TPRX1: variants seen among roughly 807,000 people sequenced by gnomAD.
TPRX1 encodes tetrapeptide repeat homeobox 1.
TPRX1 carries 2 observed loss-of-function variants against 8.1 expected under a neutral mutation model. The observed-to-expected ratio is 0.25, with a 90% CI of 0.10 to 0.78. TPRX1 has a LOEUF of 0.78. TPRX1 is among the 30% of genes least tolerant of loss of function. The pLI is 0.70. For missense variants in TPRX1, 517 were observed against 586.9 expected, an observed-to-expected ratio of 0.88 and a Z score of 1.23; for synonymous variants, 257 against 254.1, an observed-to-expected ratio of 1.01 and a Z score of -0.11.
chr19:47,803,167 G>C (rs962499193), intron 3 of TPRX1, among the ~76,000 whole-genome samples, 187 bp from the exon 3 acceptor site: 1 of 152,008 alleles, frequency 6.6e-6, no homozygotes, highest in African/African-American at 2.4e-5. Context: ...GAAAAGTAGG[G>C]GGAGGAGGGT....
intron 2 of TPRX1, among the ~76,000 whole-genome samples, chr19:47,812,392 T>A (rs1233832498): frequency 6.7e-6 from 1 of 148,404 alleles, no homozygotes; most frequent in African/African-American, 2.5e-5. Flanking sequence ...AGGCCAGGAG[T>A]TCGAGACCAG....
At chr19:47,809,797 T>C (rs1333257089) in intron 2 of TPRX1, among the ~76,000 whole-genome samples, 1 of 152,096 alleles carries the variant, frequency 6.6e-6, no homozygotes, top group African/African-American at 2.4e-5. Flanking sequence ...CGTCCTGATG[T>C]GTCTTCAGGG....
At chr19:47,816,828 A>T (rs568984597) in intron 2 of TPRX1, among the ~76,000 whole-genome samples, 1 of 152,136 alleles carries the variant, frequency 6.6e-6, no homozygotes, top group East Asian at 1.9e-4. Flanking sequence ...CACCACGCCC[A>T]GCCCACTGTG....
chr19:47,814,486 C>T (rs1283274491), intron 2 of TPRX1, among the ~76,000 whole-genome samples: 1 of 152,154 alleles, frequency 6.6e-6, no homozygotes, highest in Non-Finnish European at 1.5e-5. Flanking sequence ...TAGCGAGACC[C>T]TGTCTTAAAA....
intron 2 of TPRX1, among the ~76,000 whole-genome samples, chr19:47,815,115 T>TATATATATATATATATATATATGCAA (rs1555799978): frequency 7.3e-3 from 54 of 7,404 alleles, no homozygotes; most frequent in African/African-American, 0.029. Flanking sequence ...ATAGATAAAT[T>TATATATATATATATATATATATGCAA]ATATATATAT....
At chr19:47,806,929 T>C (rs2123714485) in intron 2 of TPRX1, among the ~76,000 whole-genome samples, 1 of 151,992 alleles carries the variant, frequency 6.6e-6, no homozygotes, top group South Asian at 2.1e-4. Flanking sequence ...TGAGATGGCG[T>C]CTTGCCCTGT....
At chr19:47,816,415 C>T (rs1967841100) in intron 2 of TPRX1, among the ~76,000 whole-genome samples, 1 of 150,246 alleles carries the variant, frequency 6.7e-6, no homozygotes, top group Non-Finnish European at 1.5e-5. Flanking sequence ...CCTTCCCCTC[C>T]TAATATATTT....
At chr19:47,806,128 G>A (rs1967733005) in intron 2 of TPRX1, among the ~76,000 whole-genome samples, 3 of 152,114 alleles carry the variant, frequency 2.0e-5, no homozygotes, top group Admixed American at 6.6e-5. Context: ...AGGCTGAGGC[G>A]GGGGAATTGG....
chr19:47,802,888 G>A, exon 4 of TPRX1: 1 of 1,580,098 alleles, frequency 6.3e-7, no homozygotes, highest in East Asian at 2.3e-5. Context: ...GCGCAGCGCG[G>A]GCTCCTCGGC....
chr19:47,815,447 C>CCAGCCCACTG (rs1568617524), intron 2 of TPRX1, among the ~76,000 whole-genome samples: 1 of 149,252 alleles, frequency 6.7e-6, no homozygotes, highest in African/African-American at 2.4e-5. Flanking sequence ...GCCACCGCAC[C>CCAGCCCACTG]TGGCTCAAAG....
rs750965545 is a variant in TPRX1 at position 47,801,867 on chromosome 19, TAG to T, written c.1433_1434del (p.Ser478TyrfsTer19). The T allele has an allele frequency of 1.9e-6, 3 of 1,614,118 alleles. No homozygotes were observed. The Admixed American group carries it at 5.0e-5, about 27-fold the overall frequency. ...TGAGACCCTGAGTGTTTTTTGCCCA[TAG>T]AGTCATCCCCTTCTTGGTACTGAGA... On this transcript the variant is annotated frameshift_variant, in exon 4 of 4. Transcript: ENST00000535759. LOFTEE classifies it low-confidence loss of function (END_TRUNC).
intron 2 of TPRX1, among the ~76,000 whole-genome samples, chr19:47,812,032 A>G (rs534291453): frequency 1.3e-5 from 2 of 150,672 alleles, no homozygotes; most frequent in Non-Finnish European, 3.0e-5. Flanking sequence ...ACGCCCGGCT[A>G]ATTTTGTATT....
exon 4 of TPRX1, chr19:47,801,454 C>A: frequency 3.9e-6 from 1 of 258,164 alleles, no homozygotes; most frequent in Admixed American, 5.1e-5. Context: ...TCTCACAATC[C>A]TAAGTGTTGG....
At chr19:47,803,453 G>T (rs1400723745) in intron 3 of TPRX1, 51 bp downstream of exon 2, 1 of 1,158,796 alleles carries the variant, frequency 8.6e-7, no homozygotes. Flanking sequence ...ACAGCGGTGG[G>T]GAGGCTCCTT....
chr19:47,801,715 A>G lies in TPRX1; in HGVS notation c.*60T>C, dbSNP rs1489613381. The G allele has an allele frequency of 1.9e-6, 3 of 1,542,078 alleles. No homozygotes were observed. In the African/African-American group the frequency reaches 4.1e-5, roughly 21 times the overall value. ...GCATTCACTGCAGAAAGTCACCAGC[A>G]GTGTAGATCAGCCACTCCAGGCCCT... On this transcript the variant is annotated 3_prime_UTR_variant, in exon 4 of 4. Transcript: ENST00000535759.
At chr19:47,818,825 T>G (rs934222720) in intron 1 of TPRX1, 1 of 314,662 alleles carries the variant, frequency 3.2e-6, no homozygotes, top group Admixed American at 4.0e-5. Flanking sequence ...ACATGTGCCA[T>G]GTTGGTTTGC....
chr19:47,808,795 T>G (rs1967758170), intron 2 of TPRX1, among the ~76,000 whole-genome samples: 1 of 152,070 alleles, frequency 6.6e-6, no homozygotes. Context: ...GGGAAAATAC[T>G]TGCTCCGCTG....
intron 2 of TPRX1, among the ~76,000 whole-genome samples, chr19:47,818,082 C>T (rs1967860793): frequency 6.6e-6 from 1 of 152,212 alleles, no homozygotes; most frequent in Admixed American, 6.5e-5. Context: ...AGTGGGCAGC[C>T]CCACAGTCTG....
intron 2 of TPRX1, among the ~76,000 whole-genome samples, chr19:47,810,254 CAAAAAAAAAAAA>C (rs767070353): frequency 3.7e-4 from 8 of 21,392 alleles, no homozygotes; most frequent in Non-Finnish European, 4.9e-4. Context: ...GACTCCATCT[CAAAAAAAAAAAA>C]AAAAAAAAAA....
Sources: gnomAD v4.1 joint callset for allele counts (sites outside exome capture counted in the v4.1 genomes callset) on GRCh38, gnomAD v4.1.1 for gene constraint, MANE v1.5 for transcripts, NCBI Gene and HGNC (gene_info 2026-07-23, HGNC 2026-07-21) for gene names.